The following BOLL variants were observed in gnomAD, a reference collection of about 807,000 sequenced individuals.
The protein encoded by BOLL is boule RNA binding protein.
A neutral mutation model predicts 44.4 loss-of-function variants in BOLL; 23 were observed. The observed-to-expected ratio is 0.52, with a 90% CI of 0.37 to 0.73. BOLL has a LOEUF of 0.73. Among genes scored for constraint, BOLL ranks in the 30% least tolerant of loss-of-function variants. The pLI, the probability that BOLL is intolerant of heterozygous loss-of-function variation, is 0.00. For missense variants in BOLL, 287 were observed against 338.3 expected, an observed-to-expected ratio of 0.85 and a Z score of 1.19; for synonymous variants, 97 against 110.8, an observed-to-expected ratio of 0.88 and a Z score of 0.78.
At chr2:197,780,520 A>C (rs1689720850) in intron 2 of BOLL, among the ~76,000 whole-genome samples, 1 of 152,066 alleles carries the variant, frequency 6.6e-6, no homozygotes, top group Non-Finnish European at 1.5e-5. Context: ...TGAATTCCCA[A>C]ATTGAACATT....
At chr2:197,773,174 C>T (rs1048879753) in intron 5 of BOLL, among the ~76,000 whole-genome samples, 2 of 151,672 alleles carry the variant, frequency 1.3e-5, no homozygotes, top group Non-Finnish European at 1.5e-5. Flanking sequence ...CAGTCAAACA[C>T]AATTTTACAC....
At chr2:197,781,637 T>A (rs1689789061) in intron 2 of BOLL, 85 bp downstream of exon 2, 1 of 1,253,620 alleles carries the variant, frequency 8.0e-7, no homozygotes, top group African/African-American at 1.5e-5. Flanking sequence ...AAATATGTTA[T>A]TTTATAGTTG....
At chr2:197,776,567 A>G (rs1689523996) in intron 4 of BOLL, among the ~76,000 whole-genome samples, 1 of 151,922 alleles carries the variant, frequency 6.6e-6, no homozygotes, top group Admixed American at 6.6e-5. Context: ...AATAACAAGA[A>G]TTGACTGTAT....
chr2:197,734,182 C>T (rs1307020232), intron 10 of BOLL, among the ~76,000 whole-genome samples: 1 of 151,446 alleles, frequency 6.6e-6, no homozygotes, highest in Non-Finnish European at 1.5e-5. Context: ...CAAAAGAAGA[C>T]ATTTATGCAG....
chr2:197,760,591 A>T (rs193151064), intron 7 of BOLL, among the ~76,000 whole-genome samples: 2 of 152,326 alleles, frequency 1.3e-5, no homozygotes, highest in East Asian at 3.9e-4. Context: ...CACAGCCCTG[A>T]CCTGAGGAAC....
intron 1 of BOLL, among the ~76,000 whole-genome samples, chr2:197,783,209 G>T (rs910837583): frequency 2.0e-5 from 3 of 152,012 alleles, no homozygotes; most frequent in African/African-American, 7.2e-5. Flanking sequence ...AATCCCAGCT[G>T]CTTGGGAGGC....
chr2:197,735,441 T>G (rs891976729), intron 10 of BOLL, among the ~76,000 whole-genome samples: 1 of 152,150 alleles, frequency 6.6e-6, no homozygotes, highest in Admixed American at 6.6e-5. Flanking sequence ...ATTATTCACC[T>G]CAGTCTTTTT....
At chr2:197,733,505 T>G (rs567165007) in intron 10 of BOLL, among the ~76,000 whole-genome samples, 1,792 of 151,558 alleles carry the variant, frequency 0.012, 39 homozygotes, top group African/African-American at 0.04. Context: ...CATCGCCAAG[T>G]CAATCCTAAG....
At chr2:197,752,198 T>C (rs1363826619) in intron 9 of BOLL, among the ~76,000 whole-genome samples, 2 of 152,214 alleles carry the variant, frequency 1.3e-5, no homozygotes, top group Non-Finnish European at 2.9e-5. Context: ...AATATCATAC[T>C]GAATGGGCAA....
At chr2:197,778,833 A>ACACACACACACACAC (rs1219931386) in intron 3 of BOLL, 142 bp downstream of exon 3, 2 of 597,054 alleles carry the variant, frequency 3.3e-6, no homozygotes, top group Admixed American at 3.3e-5. Context: ...CACACACACA[A>ACACACACACACACAC]GGAAATCAAA....
intron 2 of BOLL, 31 bp from the exon 3 acceptor site, chr2:197,779,097 C>G: frequency 6.8e-7 from 1 of 1,475,204 alleles, no homozygotes; most frequent in Non-Finnish European, 9.4e-7. Flanking sequence ...CGTTAAAAAG[C>G]ATTTTTAGTT....
chr2:197,765,136 T>A (rs773618819), intron 7 of BOLL, among the ~76,000 whole-genome samples: 1 of 152,018 alleles, frequency 6.6e-6, no homozygotes, highest in Non-Finnish European at 1.5e-5. Flanking sequence ...GCTATGAGTA[T>A]GCAAAGGCAT....
intron 6 of BOLL, among the ~76,000 whole-genome samples, chr2:197,769,900 A>G (rs1689160882): frequency 1.3e-5 from 2 of 152,218 alleles, no homozygotes; most frequent in African/African-American, 4.8e-5. Flanking sequence ...AGGAAGAATC[A>G]ATATTGTGAA....
chr2:197,739,912 A>G (rs903003469), intron 10 of BOLL, among the ~76,000 whole-genome samples: 7 of 152,186 alleles, frequency 4.6e-5, no homozygotes, highest in African/African-American at 1.2e-4. Flanking sequence ...GTAACTGAAA[A>G]TAACTATCAC....
chr2:197,778,184 T>C (rs1319285602), intron 3 of BOLL, among the ~76,000 whole-genome samples: 1 of 151,962 alleles, frequency 6.6e-6, no homozygotes, highest in African/African-American at 2.4e-5. Flanking sequence ...AAATAACCTT[T>C]CTGTAGAATC....
chr2:197,751,064 A>AT (rs1688221121), intron 9 of BOLL, among the ~76,000 whole-genome samples: 1 of 152,248 alleles, frequency 6.6e-6, no homozygotes. Context: ...AAATTATGAA[A>AT]TTAAGGCGGA....
chr2:197,786,164 G>T, upstream of BOLL: 1 of 1,080,408 alleles, frequency 9.3e-7, no homozygotes, highest in Non-Finnish European at 1.3e-6. This position sits in a 1 kb window ranked among gnomAD's most constrained non-coding sequence, Gnocchi z 5.9. Context: ...CTCGGACCCC[G>T]GCCCTGAACC....
At chr2:197,732,111 A>G (rs1687215898) in intron 10 of BOLL, among the ~76,000 whole-genome samples, 1 of 151,914 alleles carries the variant, frequency 6.6e-6, no homozygotes, top group South Asian at 2.1e-4. Flanking sequence ...GACGCAATAA[A>G]AAATGATAAA....
rs1011048716 is a variant in BOLL at position 197,785,080 on chromosome 2, C to T, written c.-40G>A. 4.1e-5 allele frequency: 40 copies of T among 985,910 alleles called. No individual in the cohort carries two copies. The highest frequency in any genetic ancestry group is 4.7e-5 in the Non-Finnish European group (39 of 829,944). The allele number at this position is 985,910 out of a possible 1,614,324, so 61.1% of individuals were successfully genotyped here. On this transcript the variant is annotated 5_prime_UTR_variant, in exon 1 of 11. Coordinates refer to ENST00000392296, the MANE Select transcript of BOLL (RefSeq NM_033030.6). This position sits in a 1 kb window ranked among gnomAD's most constrained non-coding sequence, Gnocchi z 6.7. ...CCGTCGCAGTCACTGCCTCGGCGCT[C>T]CTCCCCCTCCAAGGCCAGCAAGTTG... is the stretch of plus-strand genomic sequence containing the variant.
Sources: allele counts gnomAD v4.1 joint callset (sites outside exome capture counted in the v4.1 genomes callset), GRCh38; gene constraint gnomAD v4.1.1; non-coding constraint Gnocchi (gnomAD v3.1); transcripts MANE v1.5; gene names NCBI Gene and HGNC (gene_info 2026-07-23, HGNC 2026-07-21).